The following CLVS1 variants were observed in gnomAD, a reference collection of about 807,000 sequenced individuals.
CLVS1 encodes clavesin 1, also known as clavesin-1.
A neutral mutation model predicts 33.1 loss-of-function variants in CLVS1; 10 were observed. That is an observed-to-expected ratio of 0.30 (90% confidence interval 0.19 to 0.51). The LOEUF is 0.51. Among genes scored for constraint, CLVS1 ranks in the 20% least tolerant of loss-of-function variants. The probability of loss-of-function intolerance (pLI) is 0.97; values close to 1 mark genes in which losing one functional copy is unlikely to be tolerated. For missense variants in CLVS1, 343 were observed against 433.4 expected, an observed-to-expected ratio of 0.79 and a Z score of 1.85; for synonymous variants, 163 against 166.1, an observed-to-expected ratio of 0.98 and a Z score of 0.14.
intron 2 of CLVS1, among the ~76,000 whole-genome samples, chr8:61,200,255 A>T (rs1807700326): frequency 6.6e-6 from 1 of 152,054 alleles, no homozygotes; most frequent in African/African-American, 2.4e-5. Context: ...AGTAGCTGGG[A>T]TTATAGGTGC....
At chr8:61,418,313 C>A (rs1035218539) in intron 3 of CLVS1, among the ~76,000 whole-genome samples, 4 of 152,134 alleles carry the variant, frequency 2.6e-5, no homozygotes, top group African/African-American at 9.7e-5. Context: ...CCAGCCTGGG[C>A]AACATAATGA....
intron 2 of CLVS1, among the ~76,000 whole-genome samples, chr8:61,183,108 G>T (rs955699745): frequency 6.6e-6 from 1 of 150,674 alleles, no homozygotes; most frequent in East Asian, 1.9e-4. Flanking sequence ...AGAACACATG[G>T]GCACAGGGAG....
At chr8:61,183,152 C>CCG (rs1554543136) in intron 2 of CLVS1, among the ~76,000 whole-genome samples, 80 of 73,004 alleles carry the variant, frequency 1.1e-3, no homozygotes, top group Admixed American at 3.6e-3. Flanking sequence ...GTGGGCAGGG[C>CCG]GGAGGGGGGC....
intron 2 of CLVS1, among the ~76,000 whole-genome samples, chr8:61,358,996 TCA>T (rs1812860711): frequency 6.6e-6 from 1 of 152,226 alleles, no homozygotes; most frequent in African/African-American, 2.4e-5. Context: ...TAATCCATTC[TCA>T]GTTATATTCT....
intron 2 of CLVS1, among the ~76,000 whole-genome samples, chr8:61,349,229 C>A (rs1480000316): frequency 6.8e-6 from 1 of 148,052 alleles, no homozygotes; most frequent in Admixed American, 6.6e-5. Context: ...GAGATAATAG[C>A]ACTTGTCTTT....
rs144759839 is a variant in CLVS1 at position 61,463,566 on chromosome 8, A to G, written c.977+5024A>G. On this transcript the variant is annotated intron_variant, in intron 5 of 5. Coordinates refer to ENST00000325897, the MANE Select transcript of CLVS1 (RefSeq NM_173519.3). ...GGTTATTAATTAACCTAGTTGCAAT[A>G]CTGTTGTGTCTCAAGGAATAGCGAG... Among the ~76,000 whole-genome samples, 255 of 152,312 alleles carry G rather than the reference A, an allele frequency of 1.7e-3. 2 individuals carry two copies. Among genetic ancestry groups the G allele is most frequent in the African/African-American group, 5.9e-3 (247 of 41,580 alleles).
At chr8:61,453,169 T>A (rs1817025723) in intron 3 of CLVS1, among the ~76,000 whole-genome samples, 1 of 152,134 alleles carries the variant, frequency 6.6e-6, no homozygotes, top group South Asian at 2.1e-4. Flanking sequence ...ACTTGACGAT[T>A]CATACAGCGT....
At chr8:61,152,131 C>G (rs1585646769) in intron 2 of CLVS1, among the ~76,000 whole-genome samples, 1 of 152,162 alleles carries the variant, frequency 6.6e-6, no homozygotes, top group Non-Finnish European at 1.5e-5. Flanking sequence ...AAACAACAAA[C>G]ATTTATTTCT....
At chr8:61,484,129 A>G (rs1803775183) in intron 5 of CLVS1, among the ~76,000 whole-genome samples, 2 of 152,208 alleles carry the variant, frequency 1.3e-5, no homozygotes, top group Admixed American at 1.3e-4. Flanking sequence ...AGGGTATTAA[A>G]TTAGGAAAAG....
rs201238575 is a variant in CLVS1 at position 61,372,182 on chromosome 8, C to CA, written c.456-4415dup. ...TGTGATTGCAGGCAATAAAATAAATCAAAAAAAATTTCCCCCTGAGTTTTT... is the reference window on the plus strand; with the variant it reads ...TGTGATTGCAGGCAATAAAATAAATCAAAAAAAAATTTCCCCCTGAGTTTTT... On this transcript the variant is annotated intron_variant, in intron 2 of 5. Transcript: ENST00000325897. Among the ~76,000 whole-genome samples, 664 of 151,516 alleles carry CA rather than the reference C, an allele frequency of 4.4e-3. 17 individuals carry two copies. The highest frequency in any genetic ancestry group is 0.023 in the Admixed American group (358 of 15,238).
At chr8:61,257,324 T>A (rs1396011302) in intron 2 of CLVS1, among the ~76,000 whole-genome samples, 1 of 152,220 alleles carries the variant, frequency 6.6e-6, no homozygotes, top group Non-Finnish European at 1.5e-5. Context: ...CCTACAAATT[T>A]GATCTATATT....
At chr8:61,419,289 C>G (rs960285299) in intron 3 of CLVS1, among the ~76,000 whole-genome samples, 1 of 150,346 alleles carries the variant, frequency 6.7e-6, no homozygotes, top group African/African-American at 2.5e-5. Flanking sequence ...CCCAGCTACT[C>G]AGGAGGCTGC....
At chr8:61,096,220 G>A (rs372042032) in intron 1 of CLVS1, among the ~76,000 whole-genome samples, 2 of 152,134 alleles carry the variant, frequency 1.3e-5, no homozygotes, top group Admixed American at 6.5e-5. Context: ...CACTCAACCC[G>A]CTCGCCCTCC....
At chr8:61,364,394 A>C (rs551658823) in intron 2 of CLVS1, among the ~76,000 whole-genome samples, 1 of 152,354 alleles carries the variant, frequency 6.6e-6, no homozygotes, top group South Asian at 2.1e-4. Context: ...TTGAAGGATG[A>C]TACCCACATA....
At chr8:61,269,190 TTGTATAAGG>T (rs2129592599) in intron 2 of CLVS1, among the ~76,000 whole-genome samples, 1 of 151,388 alleles carries the variant, frequency 6.6e-6, no homozygotes, top group Non-Finnish European at 1.5e-5. Flanking sequence ...GAATTGATTT[TTGTATAAGG>T]TGTAAGGAAG....
At chr8:61,470,259 T>G (rs932859102) in intron 5 of CLVS1, among the ~76,000 whole-genome samples, 2 of 152,194 alleles carry the variant, frequency 1.3e-5, no homozygotes, top group African/African-American at 4.8e-5. Context: ...TGAATTTAGT[T>G]AATAAGAGAA....
intron 1 of CLVS1, among the ~76,000 whole-genome samples, chr8:61,106,364 G>A (rs1440682927): frequency 6.6e-6 from 1 of 152,194 alleles, no homozygotes; most frequent in African/African-American, 2.4e-5. Flanking sequence ...TTCCAACAAC[G>A]TTGAAGAGAT....
rs1165521918 is a variant in CLVS1, at chr8:61,190,530, G to T, written c.-152+58670G>T. ...ACAAGAAATAACTAAGATCAGAGGA[G>T]AACTGAAGGAGTTGGGGACACAAAC... On this transcript the variant is annotated intron_variant, in intron 2 of 2. Transcript: ENST00000522621. 5.3e-5 allele frequency among the ~76,000 whole-genome samples: 8 copies of T among 152,130 alleles called. No individual in the cohort carries two copies. The East Asian group carries it at 1.3e-3, about 26-fold the overall frequency.
At chr8:61,083,577 G>A (rs2129282904) in intron 1 of CLVS1, among the ~76,000 whole-genome samples, 2 of 152,250 alleles carry the variant, frequency 1.3e-5, no homozygotes, top group Middle Eastern at 3.4e-3. Flanking sequence ...GGAGCCTTAG[G>A]GAGATTCAAG....
Sources: gnomAD v4.1 joint callset for allele counts (sites outside exome capture counted in the v4.1 genomes callset) on GRCh38, gnomAD v4.1.1 for gene constraint, MANE v1.5 for transcripts, NCBI Gene and HGNC (gene_info 2026-07-23, HGNC 2026-07-21) for gene names.